Variants in ZNF804B observed in about 807,000 individuals in gnomAD.
The protein encoded by ZNF804B is zinc finger 804B.
Under a neutral mutation model 101.4 loss-of-function variants are expected in ZNF804B, and 80 were observed. The ratio of observed to expected loss-of-function variants is 0.79; its 90% CI spans 0.66 to 0.95. The LOEUF (loss-of-function observed/expected upper bound fraction) is 0.95, where lower values mean the gene tolerates loss of function less well. Among genes scored for constraint, ZNF804B ranks in the 40% least tolerant of loss-of-function variants. The pLI is 0.00. For missense variants in ZNF804B, 1,673 were observed against 1,561.9 expected (o/e 1.07, Z -1.20); for synonymous variants, 622 against 558.8 (o/e 1.11, Z -1.59).
At chr7:89,020,789 A>G (rs59853091) in intron 1 of ZNF804B, among the ~76,000 whole-genome samples, 4,470 of 152,100 alleles carry the variant, frequency 0.029, 234 homozygotes, top group African/African-American at 0.1. Context: ...TGCTCATTGA[A>G]TTCTTCAGCT....
In ZNF804B at chr7:88,854,524, T is replaced by TTCCTTTCCTTCCCTTCCCTTC. The variant is rs1562812887; in HGVS notation, c.108+94440_108+94441insTCCTTTCCTTCCCTTCCCTTC. 1.8e-4 allele frequency among the ~76,000 whole-genome samples: 12 copies of TTCCTTTCCTTCCCTTCCCTTC among 66,112 alleles called. 1 individual carries two copies. The highest frequency in any genetic ancestry group is 8.8e-4 in the African/African-American group (11 of 12,458). The allele number at this position is 66,112 out of a possible 152,430, so 43.4% of individuals were successfully genotyped here. On this transcript the variant is annotated intron_variant, in intron 1 of 3. Transcript: ENST00000333190. Reference sequence around the variant, plus strand: ...TTCCTTTCCTTTCCTTTCCTTTCCTTCCTTTCCTTCCTTCCTTCCTTCCTT... The same window carrying TTCCTTTCCTTCCCTTCCCTTC: ...TTCCTTTCCTTTCCTTTCCTTTCCTTTCCTTTCCTTCCCTTCCCTTCCCTTTCCTTCCTTCCTTCCTTCCTT...
intron 1 of ZNF804B, among the ~76,000 whole-genome samples, chr7:89,015,389 G>A (rs1385018119): frequency 6.6e-6 from 1 of 151,370 alleles, no homozygotes; most frequent in Non-Finnish European, 1.5e-5. Flanking sequence ...ACAATGTGCA[G>A]GTTAGTTACA....
chr7:88,873,155 T>C (rs561215955), intron 1 of ZNF804B, among the ~76,000 whole-genome samples: 1,931 of 152,252 alleles, frequency 0.013, 33 homozygotes, highest in African/African-American at 0.028. Context: ...TTTTAATGAT[T>C]GCCATTCTAA....
At position 89,335,643 on chromosome 7, in the gene ZNF804B, G is replaced by C; in HGVS notation, c.2661G>C (p.Arg887Ser). 1 of 1,613,964 alleles carries C rather than the reference G, an allele frequency of 6.2e-7. No individual in the cohort carries two copies. ...SPHICDLGKV[R>S]PMKCNSGNIS... is the part of the protein sequence containing the mutation. The stretch of plus-strand genomic sequence containing the variant: ...ACATTTGTGATCTGGGAAAAGTCAG[G>C]CCCATGAAGTGTAACTCCGGGAATA... Residue 887 changes from arginine to serine, a missense_variant, in exon 4 of 4, where the codon AGG becomes AGC. Arg to Ser is a moderately radical substitution (Grantham distance 110). Coordinates refer to ENST00000333190, the MANE Select transcript of ZNF804B (RefSeq NM_181646.5).
chr7:89,205,880 C>T (rs1410895344), intron 1 of ZNF804B, among the ~76,000 whole-genome samples: 5 of 152,204 alleles, frequency 3.3e-5, no homozygotes, highest in Non-Finnish European at 7.3e-5. Flanking sequence ...TTCCCTTCTT[C>T]ATTGCCCTAG....
At chr7:89,271,571 A>T (rs1182440444) in intron 2 of ZNF804B, among the ~76,000 whole-genome samples, 2 of 152,112 alleles carry the variant, frequency 1.3e-5, no homozygotes, top group Non-Finnish European at 2.9e-5. Flanking sequence ...TATGAGGATG[A>T]TGCTGGCCTC....
At chr7:89,121,925 T>C (rs1790412410) in intron 1 of ZNF804B, among the ~76,000 whole-genome samples, 1 of 152,116 alleles carries the variant, frequency 6.6e-6, no homozygotes, top group Admixed American at 6.6e-5. Flanking sequence ...GTGTAGGCAA[T>C]AGTTATTTGA....
intron 1 of ZNF804B, among the ~76,000 whole-genome samples, chr7:89,074,826 A>T (rs1789591421): frequency 6.6e-6 from 1 of 152,220 alleles, no homozygotes. Context: ...TTTGACAAAA[A>T]TAATGATAGT....
chr7:88,943,808 T>C (rs1375394141), intron 1 of ZNF804B, among the ~76,000 whole-genome samples: 1 of 151,822 alleles, frequency 6.6e-6, no homozygotes, highest in Non-Finnish European at 1.5e-5. Flanking sequence ...TTGAATTTTC[T>C]AGAATGTTAT....
intron 1 of ZNF804B, among the ~76,000 whole-genome samples, chr7:88,928,498 T>A (rs1562834596): frequency 6.6e-6 from 1 of 152,136 alleles, no homozygotes; most frequent in Non-Finnish European, 1.5e-5. Context: ...TACCCTGGGG[T>A]GAGAAAAGCC....
In ZNF804B at chr7:89,237,061, A is replaced by G. The variant is rs186965107; in HGVS notation, c.249+18766A>G. Among the ~76,000 whole-genome samples, 55 of 152,240 alleles carry G rather than the reference A, an allele frequency of 3.6e-4. 1 individual carries two copies. The highest frequency in any genetic ancestry group is 3.6e-3 in the Admixed American group (55 of 15,280). On this transcript the variant is annotated intron_variant, in intron 2 of 3. Coordinates refer to ENST00000333190, the MANE Select transcript of ZNF804B (RefSeq NM_181646.5). ...ATGTCACATTGTGTTTCTTAGTTTT[A>G]ATATTCATGTGAAAATTACGATAAT... is the stretch of plus-strand genomic sequence containing the variant.
chr7:88,817,903 C>T (rs1371338822), intron 1 of ZNF804B, among the ~76,000 whole-genome samples: 1 of 152,100 alleles, frequency 6.6e-6, no homozygotes, highest in Non-Finnish European at 1.5e-5. Context: ...TATTGTCCTC[C>T]TCTTTATAGA....
At chr7:89,157,223 A>C (rs1177607815) in intron 1 of ZNF804B, among the ~76,000 whole-genome samples, 1 of 152,212 alleles carries the variant, frequency 6.6e-6, no homozygotes, top group East Asian at 1.9e-4. Flanking sequence ...CTTATTCTGT[A>C]AAGTCACTTT....
intron 1 of ZNF804B, among the ~76,000 whole-genome samples, chr7:88,949,383 CA>C (rs1793184168): frequency 6.6e-6 from 1 of 151,790 alleles, no homozygotes; most frequent in Admixed American, 6.6e-5. Context: ...CAGACAATGC[CA>C]AAAATCCCCT....
At chr7:89,077,668 G>A (rs1271089203) in intron 1 of ZNF804B, among the ~76,000 whole-genome samples, 1 of 151,922 alleles carries the variant, frequency 6.6e-6, no homozygotes, top group East Asian at 1.9e-4. Context: ...AAAAATTTCT[G>A]TCTTTGCAAT....
At position 89,334,797 on chromosome 7, in the gene ZNF804B, T is replaced by C. The variant is rs1242172729; in HGVS notation, c.1815T>C (p.Ala605=). The change falls in exon 4 of 4, where the codon GCT becomes GCC. Residue 605 remains alanine, a synonymous_variant. Transcript: ENST00000333190. ...NNSSENKLKE[A]SRAHWQGCRK... ...GTAGTGAGAACAAACTTAAGGAAGC[T>C]TCAAGGGCCCATTGGCAAGGCTGCA... 6.2e-7 allele frequency: 1 copy of C among 1,613,776 alleles called. No individual in the cohort carries two copies. Among genetic ancestry groups the C allele is most frequent in the Admixed American group, 1.7e-5 (1 of 59,904 alleles).
chr7:89,155,634 C>T (rs1790946916), intron 1 of ZNF804B, among the ~76,000 whole-genome samples: 1 of 152,204 alleles, frequency 6.6e-6, no homozygotes, highest in East Asian at 1.9e-4. Flanking sequence ...CCTTCATTAT[C>T]TGGCTCTGTG....
intron 1 of ZNF804B, among the ~76,000 whole-genome samples, chr7:88,938,320 G>C (rs1414759580): frequency 2.0e-5 from 3 of 151,990 alleles, no homozygotes; most frequent in Non-Finnish European, 4.4e-5. Flanking sequence ...TCAGATCTTA[G>C]TTAATCTCTT....
At chr7:89,284,936 T>C (rs1293978901) in intron 2 of ZNF804B, among the ~76,000 whole-genome samples, 2 of 152,070 alleles carry the variant, frequency 1.3e-5, no homozygotes, top group Non-Finnish European at 2.9e-5. Context: ...TGGCAGCTCA[T>C]ACCTGTAATC....
Sources: allele counts gnomAD v4.1 joint callset (sites outside exome capture counted in the v4.1 genomes callset), GRCh38; gene constraint gnomAD v4.1.1; transcripts MANE v1.5; gene names NCBI Gene and HGNC (gene_info 2026-07-23, HGNC 2026-07-21).